The following PRSS12 variants were observed in gnomAD, a reference collection of about 807,000 sequenced individuals.
PRSS12 encodes the protein serine protease 12.
PRSS12 carries 85 observed loss-of-function variants against 104.4 expected under a neutral mutation model. The ratio of observed to expected loss-of-function variants is 0.81; its 90% CI spans 0.68 to 0.98. PRSS12 has a LOEUF of 0.98. Among genes scored for constraint, PRSS12 ranks in the 50% least tolerant of loss-of-function variants. The pLI is 0.00. For missense variants in PRSS12, 1,141 were observed against 1,139.2 expected (o/e 1.00, Z -0.02); for synonymous variants, 454 against 425.2 (o/e 1.07, Z -0.83).
At chr4:118,283,330 A>C (rs1473125686) in intron 11 of PRSS12, among the ~76,000 whole-genome samples, 1 of 152,204 alleles carries the variant, frequency 6.6e-6, no homozygotes, top group African/African-American at 2.4e-5. Context: ...CTGTTCTCCA[A>C]GAAGGAGCAA....
chr4:118,298,975 G>A lies in PRSS12; in HGVS notation c.1632-37C>T, dbSNP rs775184293. ...ACATTCTTAATCATGTGAAGAATCAGTCAGTCATATATCTGAATAAATCAC... is the reference window on the plus strand; with the variant it reads ...ACATTCTTAATCATGTGAAGAATCAATCAGTCATATATCTGAATAAATCAC... On this transcript the variant is annotated intron_variant, in intron 8 of 12. Transcript: ENST00000296498. The A allele has an allele frequency of 5.6e-6, 9 of 1,595,486 alleles. No individual in the cohort carries two copies. The Admixed American group carries it at 1.5e-4, about 27-fold the overall frequency.
At chr4:118,340,082 T>C (rs186491340) in intron 1 of PRSS12, among the ~76,000 whole-genome samples, 159 of 152,294 alleles carry the variant, frequency 1.0e-3, no homozygotes, top group African/African-American at 3.5e-3. Flanking sequence ...GAAGAAATGA[T>C]GTACACATGA....
At chr4:118,297,155 G>T (rs1743272162) in intron 9 of PRSS12, among the ~76,000 whole-genome samples, 1 of 152,048 alleles carries the variant, frequency 6.6e-6, no homozygotes, top group Admixed American at 6.6e-5. Context: ...ATGTCACCAG[G>T]TCCTGAGTAT....
chr4:118,322,386 C>T (rs1167588618), intron 4 of PRSS12, among the ~76,000 whole-genome samples: 2 of 151,946 alleles, frequency 1.3e-5, no homozygotes, highest in Non-Finnish European at 2.9e-5. Flanking sequence ...CCTATCTCTA[C>T]TAAAAATACA....
Position 118,313,264 on chromosome 4 carries a change from T to C in PRSS12, c.1426A>G (p.Ser476Gly), listed in dbSNP as rs1436156652. Residue 476 changes from serine to glycine, a missense_variant, in exon 7 of 13, where the codon AGC (serine) becomes GGC (glycine). Ser to Gly is a moderately conservative substitution (Grantham distance 56, BLOSUM62 0). Transcript: ENST00000296498. Reference sequence around the variant, plus strand: ...GCAATGCTAACATCTTCGCGGTGGCTGCAGTCATGCCTTCCCCACTGTCGC... The same window carrying C: ...GCAATGCTAACATCTTCGCGGTGGCCGCAGTCATGCCTTCCCCACTGTCGC... ...SRRQWGRHDC[S>G]HREDVSIACY... 1 of 1,614,140 alleles carries C rather than the reference T, an allele frequency of 6.2e-7. No individual in the cohort carries two copies. The highest frequency in any genetic ancestry group is 8.5e-7 in the Non-Finnish European group (1 of 1,180,020).
chr4:118,319,872 C>T (rs535269628), intron 4 of PRSS12, among the ~76,000 whole-genome samples: 2 of 152,156 alleles, frequency 1.3e-5, no homozygotes, highest in Admixed American at 6.5e-5. Context: ...GATGGAGTCT[C>T]ATTATGTTGC....
intron 3 of PRSS12, among the ~76,000 whole-genome samples, chr4:118,334,392 A>C (rs1724010230): frequency 6.6e-6 from 1 of 152,152 alleles, no homozygotes; most frequent in African/African-American, 2.4e-5. Context: ...TTGAGCATAG[A>C]GTAAAACCAA....
intron 4 of PRSS12, among the ~76,000 whole-genome samples, chr4:118,330,000 A>G (rs1403825523): frequency 6.6e-6 from 1 of 152,174 alleles, no homozygotes; most frequent in Non-Finnish European, 1.5e-5. Context: ...TAGTTTTTTC[A>G]AAAGAAACCA....
rs74968865 is a variant in PRSS12, at chr4:118,324,580, G to A, written c.972-6024C>T. Reference sequence around the variant, plus strand: ...GTTCTGGTTAATTGCCTTTGAACTTGGCCCGTTCCTTAAAGGAGATTACAA... The same window carrying A: ...GTTCTGGTTAATTGCCTTTGAACTTAGCCCGTTCCTTAAAGGAGATTACAA... On this transcript the variant is annotated intron_variant, in intron 4 of 12. Transcript: ENST00000296498. 6.6e-3 allele frequency among the ~76,000 whole-genome samples: 999 copies of A among 152,046 alleles called. 23 individuals are homozygous for A. The East Asian group carries it at 0.085, about 13-fold the overall frequency.
At chr4:118,307,135 G>A (rs1208270411) in intron 8 of PRSS12, among the ~76,000 whole-genome samples, 2 of 152,026 alleles carry the variant, frequency 1.3e-5, no homozygotes, top group Admixed American at 6.6e-5. Flanking sequence ...ATTAACCACT[G>A]ACCAAATTCA....
rs145983533 is a variant in PRSS12 at position 118,295,842 on chromosome 4, C to G, written c.1852G>C (p.Val618Leu). 6.2e-7 allele frequency: 1 copy of G among 1,613,952 alleles called. No individual in the cohort carries two copies. The highest frequency in any genetic ancestry group is 8.5e-7 in the Non-Finnish European group (1 of 1,179,934). The change falls in exon 10 of 13, where the codon GTT becomes CTT. Residue 618 changes from valine (V) to leucine (L), a missense_variant. Transcript: ENST00000296498. The part of the protein sequence containing the change: ...GNSNKESLSS[V>L]CGLRLLHRRQ... The stretch of plus-strand genomic sequence containing the variant: ...CGGTGCAGTAATCTCAAGCCACAAA[C>G]AGATGAGAGGGACTCTGAAGCAGAA...
Position 118,308,640 on chromosome 4 carries a change from C to T in PRSS12, c.1490-63G>A, listed in dbSNP as rs1292235944. The T allele has an allele frequency of 1.0e-5, 16 of 1,566,938 alleles. 1 individual carries two copies. The highest frequency in any genetic ancestry group is 4.4e-5 in the South Asian group (4 of 89,994). On this transcript the variant is annotated intron_variant, in intron 7 of 12. Transcript: ENST00000296498. ...ATGCAAACTGATTCTAAAGCATGAG[C>T]GACTCTACAAAACACAATTGTTCTT...
chr4:118,326,999 T>C (rs999086027), intron 4 of PRSS12, among the ~76,000 whole-genome samples: 7 of 152,052 alleles, frequency 4.6e-5, no homozygotes, highest in Non-Finnish European at 1.0e-4. Context: ...AATAAACAAA[T>C]AAATAAATAA....
At chr4:118,326,070 T>A (rs1478127416) in intron 4 of PRSS12, among the ~76,000 whole-genome samples, 3 of 152,232 alleles carry the variant, frequency 2.0e-5, no homozygotes, top group African/African-American at 7.2e-5. Context: ...TGGCACCATC[T>A]GATTAACTCA....
chr4:118,323,164 A>C (rs1020418454), intron 4 of PRSS12, among the ~76,000 whole-genome samples: 1 of 152,064 alleles, frequency 6.6e-6, no homozygotes, highest in Non-Finnish European at 1.5e-5. Flanking sequence ...GCAAATATGG[A>C]AACTGACTTA....
At chr4:118,302,663 G>C (rs1428649190) in intron 8 of PRSS12, among the ~76,000 whole-genome samples, 1 of 152,204 alleles carries the variant, frequency 6.6e-6, no homozygotes, top group African/African-American at 2.4e-5. Flanking sequence ...CTGGCCTCGA[G>C]AGATCTGCCC....
intron 11 of PRSS12, 47 bp from the exon 12 acceptor site, chr4:118,283,158 AATT>A: frequency 6.3e-7 from 1 of 1,598,308 alleles, no homozygotes; most frequent in Non-Finnish European, 8.6e-7. Flanking sequence ...AGATACTGAA[AATT>A]ATTGTCAAGA....
chr4:118,305,136 C>CAT (rs34020677), intron 8 of PRSS12, among the ~76,000 whole-genome samples: 11,928 of 147,824 alleles, frequency 0.081, 601 homozygotes, highest in South Asian at 0.15. Context: ...CACACACACA[C>CAT]ATATATATAT....
intron 11 of PRSS12, among the ~76,000 whole-genome samples, chr4:118,294,622 T>G (rs1330405535): frequency 6.6e-6 from 1 of 152,138 alleles, no homozygotes; most frequent in Non-Finnish European, 1.5e-5. Context: ...CCGAGGTCTA[T>G]TCTACCTCCA....
Sources: gnomAD v4.1 joint callset for allele counts (sites outside exome capture counted in the v4.1 genomes callset) on GRCh38, gnomAD v4.1.1 for gene constraint, MANE v1.5 for transcripts, NCBI Gene and HGNC (gene_info 2026-07-23, HGNC 2026-07-21) for gene names.